NOS1AP: variants seen among roughly 807,000 people sequenced by gnomAD.
NOS1AP encodes the protein carboxyl-terminal PDZ ligand of neuronal nitric oxide synthase protein.
A neutral mutation model predicts 56.2 loss-of-function variants in NOS1AP; 21 were observed. The observed-to-expected ratio is 0.37, with a 90% confidence interval of 0.26 to 0.54. The LOEUF (loss-of-function observed/expected upper bound fraction) is 0.54, where lower values mean the gene tolerates loss of function less well. Ranked by LOEUF, NOS1AP falls within the 20% of genes least tolerant of loss-of-function variation. The pLI, the probability that NOS1AP is intolerant of heterozygous loss-of-function variation, is 0.84. For missense variants in NOS1AP, 522 were observed against 657.8 expected, an observed-to-expected ratio of 0.79 and a Z score of 2.26; for synonymous variants, 270 against 274.6, an observed-to-expected ratio of 0.98 and a Z score of 0.17.
chr1:162,142,586 C>G (rs920785361), intron 1 of NOS1AP, among the ~76,000 whole-genome samples: 2 of 151,886 alleles, frequency 1.3e-5, no homozygotes, highest in African/African-American at 2.4e-5. Context: ...TGTATGTTGC[C>G]GAATTTGTCT....
intron 2 of NOS1AP, among the ~76,000 whole-genome samples, chr1:162,171,379 G>T (rs1650773513): frequency 6.6e-6 from 1 of 151,926 alleles, no homozygotes; most frequent in South Asian, 2.1e-4. Flanking sequence ...TGCTGTTATT[G>T]GAAAGGGTTA....
At position 162,369,083 on chromosome 1, in the gene NOS1AP, T is replaced by TTTG; in HGVS notation, c.*1617_*1618insTGT. 6.6e-6 allele frequency: 1 copy of TTTG among 151,754 alleles called. No homozygotes were observed. The highest frequency in any genetic ancestry group is 1.5e-5 in the Non-Finnish European group (1 of 67,890). 9.4% of individuals were successfully genotyped at this position (151,754 alleles called of 1,614,324 possible). A position where few individuals can be genotyped will look rare whatever the true frequency, so the allele number is the denominator to read the frequency against. ...ATCAGGTGGTGTGTGTGTGTGTGTT[T>TTTG]TGTGTGTGTGTGTACACATGTGTTT... is the stretch of plus-strand genomic sequence containing the variant. On this transcript the variant is annotated 3_prime_UTR_variant, in exon 10 of 10. Coordinates refer to ENST00000361897, the MANE Select transcript of NOS1AP (RefSeq NM_014697.3).
At chr1:162,177,556 G>A (rs1209672911) in intron 2 of NOS1AP, among the ~76,000 whole-genome samples, 3 of 152,084 alleles carry the variant, frequency 2.0e-5, no homozygotes, top group South Asian at 4.1e-4. Flanking sequence ...CAGTTTGCGG[G>A]GCAGCTCTCT....
intron 2 of NOS1AP, among the ~76,000 whole-genome samples, chr1:162,284,131 G>A (rs2101733701): frequency 6.6e-6 from 1 of 152,304 alleles, no homozygotes; most frequent in Admixed American, 6.5e-5. Flanking sequence ...CTCCATTCTT[G>A]TGGTTACTCC....
intron 6 of NOS1AP, among the ~76,000 whole-genome samples, chr1:162,347,739 C>T (rs761968441): frequency 9.2e-5 from 14 of 152,182 alleles, no homozygotes; most frequent in Non-Finnish European, 1.9e-4. Flanking sequence ...ATAAGGATCA[C>T]TTCCTATACT....
rs140001047 is a variant in NOS1AP at position 162,334,330 on chromosome 1, C to A, written c.453+1205C>A. ...ATGGCAGGAATAAAAGAGTAACTTG[C>A]CAGACTTCACATCTAGATAATAGTA... On this transcript the variant is annotated intron_variant, in intron 5 of 9. Coordinates refer to ENST00000361897, the MANE Select transcript of NOS1AP (RefSeq NM_014697.3). Among the ~76,000 whole-genome samples the A allele has an allele frequency of 2.0e-5, 3 of 152,120 alleles. No individual in the cohort carries two copies. In the East Asian group the frequency reaches 5.8e-4, roughly 29 times the overall value.
chr1:162,181,361 A>C (rs2102145600), intron 2 of NOS1AP, among the ~76,000 whole-genome samples: 1 of 152,374 alleles, frequency 6.6e-6, no homozygotes. Context: ...AAAGGATGTC[A>C]TGTTATTATG....
intron 1 of NOS1AP, among the ~76,000 whole-genome samples, chr1:162,139,407 C>T (rs545782301): frequency 6.6e-6 from 1 of 152,208 alleles, no homozygotes; most frequent in Non-Finnish European, 1.5e-5. Context: ...CAGGGGCTTA[C>T]AGATAGCCTG....
chr1:162,279,926 G>A (rs903188464), intron 2 of NOS1AP, among the ~76,000 whole-genome samples: 25 of 152,082 alleles, frequency 1.6e-4, no homozygotes, highest in Non-Finnish European at 3.1e-4. Context: ...ATCATCCCTG[G>A]GCACTGGTTT....
chr1:162,165,340 C>T (rs1359620425), intron 2 of NOS1AP, among the ~76,000 whole-genome samples: 1 of 152,126 alleles, frequency 6.6e-6, no homozygotes, highest in African/African-American at 2.4e-5. Flanking sequence ...GAAAGACTTC[C>T]TCAAACTAAT....
chr1:162,358,171 T>C (rs1432666252), intron 8 of NOS1AP, among the ~76,000 whole-genome samples: 1 of 152,182 alleles, frequency 6.6e-6, no homozygotes, highest in Non-Finnish European at 1.5e-5. Context: ...CACTTATTGC[T>C]CTCTGTTATG....
chr1:162,170,624 G>T (rs1650723022), intron 2 of NOS1AP, among the ~76,000 whole-genome samples: 1 of 152,078 alleles, frequency 6.6e-6, no homozygotes, highest in South Asian at 2.1e-4. Context: ...GAAAGGAGAA[G>T]TGCTAAGAAA....
At chr1:162,096,275 T>C (rs529700160) in intron 1 of NOS1AP, among the ~76,000 whole-genome samples, 1 of 152,334 alleles carries the variant, frequency 6.6e-6, no homozygotes, top group East Asian at 1.9e-4. Context: ...GATGGGGAAG[T>C]CTTCACTTTC....
rs528360388 is a variant in NOS1AP at position 162,313,053 on chromosome 1, C to A, written c.344+12347C>A. Among the ~76,000 whole-genome samples, 7 of 152,240 alleles carry A rather than the reference C, an allele frequency of 4.6e-5. No individual in the cohort carries two copies. The East Asian group carries it at 1.2e-3, about 25-fold the overall frequency. ...TGAATGGGCAAAAACTGGAAGCATT[C>A]CCTTTGAAAACTGGCACAAGACAGG... On this transcript the variant is annotated intron_variant, in intron 4 of 9. Transcript: ENST00000361897.
At chr1:162,248,507 G>C (rs909740281) in intron 2 of NOS1AP, among the ~76,000 whole-genome samples, 1 of 152,142 alleles carries the variant, frequency 6.6e-6, no homozygotes, top group African/African-American at 2.4e-5. Context: ...TGAAGTAGCA[G>C]GAAAAATCAG....
intron 8 of NOS1AP, among the ~76,000 whole-genome samples, chr1:162,359,334 C>T (rs115669576): frequency 0.02 from 3,040 of 152,238 alleles, 100 homozygotes; most frequent in African/African-American, 0.07. Context: ...TCAGATAGGA[C>T]GTTGGGGTCA....
intron 2 of NOS1AP, among the ~76,000 whole-genome samples, chr1:162,277,808 GA>G (rs1296785722): frequency 1.3e-5 from 2 of 152,138 alleles, no homozygotes; most frequent in Non-Finnish European, 2.9e-5. Context: ...GGGATTTAGG[GA>G]CCACTTCCTT....
chr1:162,285,909 G>C (rs1023814057), intron 2 of NOS1AP, among the ~76,000 whole-genome samples: 1 of 152,212 alleles, frequency 6.6e-6, no homozygotes, highest in African/African-American at 2.4e-5. Context: ...GCTGTGACCA[G>C]AGCCTGCAAT....
At chr1:162,183,755 A>G (rs1257798717) in intron 2 of NOS1AP, among the ~76,000 whole-genome samples, 1 of 152,150 alleles carries the variant, frequency 6.6e-6, no homozygotes, top group Non-Finnish European at 1.5e-5. Flanking sequence ...CCTTTATAGA[A>G]TTGAAGAGTT....
Sources: gnomAD v4.1 joint callset for allele counts (sites outside exome capture counted in the v4.1 genomes callset) on GRCh38, gnomAD v4.1.1 for gene constraint, MANE v1.5 for transcripts, NCBI Gene and HGNC (gene_info 2026-07-23, HGNC 2026-07-21) for gene names.